Variants in ACMSD observed in about 807,000 individuals in gnomAD.
The protein encoded by ACMSD is aminocarboxymuconate semialdehyde decarboxylase, also known as 2-amino-3-carboxymuconate-6-semialdehyde decarboxylase.
ACMSD carries 37 observed loss-of-function variants against 45.9 expected under a neutral mutation model. That is an observed-to-expected ratio of 0.81 (90% confidence interval 0.62 to 1.06). The LOEUF is 1.06. Among genes scored for constraint, ACMSD ranks in the 50% least tolerant of loss-of-function variants. The pLI is 0.00. For missense variants in ACMSD, 434 were observed against 420.9 expected (o/e 1.03, Z -0.27); for synonymous variants, 138 against 148.8 (o/e 0.93, Z 0.53).
intron 8 of ACMSD, among the ~76,000 whole-genome samples, chr2:134,892,431 G>C (rs914758358): frequency 6.6e-6 from 1 of 151,664 alleles, no homozygotes; most frequent in Non-Finnish European, 1.5e-5. Context: ...AAGGGCCTGT[G>C]CTGAAGTCTT....
At position 134,863,509 on chromosome 2, in the gene ACMSD, C is replaced by T; in HGVS notation, c.364C>T (p.Pro122Ser). The T allele has an allele frequency of 6.2e-7, 1 of 1,614,218 alleles. No homozygotes were observed. The highest frequency in any genetic ancestry group is 1.1e-5 in the South Asian group (1 of 91,086). The change falls in exon 5 of 10, where the codon CCT becomes TCT. Residue 122 changes from proline (P) to serine (S), a missense_variant. By Grantham distance (74) the Pro-to-Ser change is moderately conservative. Coordinates refer to ENST00000356140, the MANE Select transcript of ACMSD (RefSeq NM_138326.3). ...VGLGTLPMQA[P>S]ELAVKEMERC... ...TCTGGGGACGTTGCCCATGCAGGCC[C>T]CTGAGCTGGCGGTCAAGGAGATGGA...
chr2:134,845,889 G>A (rs990553977), intron 2 of ACMSD, among the ~76,000 whole-genome samples: 3 of 152,178 alleles, frequency 2.0e-5, no homozygotes, highest in African/African-American at 7.2e-5. Context: ...TGTCCTCTCC[G>A]AGTTCAGAGG....
intron 8 of ACMSD, among the ~76,000 whole-genome samples, chr2:134,897,401 C>T (rs937060125): frequency 6.6e-6 from 1 of 152,024 alleles, no homozygotes; most frequent in African/African-American, 2.4e-5. Context: ...GAGATTATTC[C>T]ATTTCAGCAT....
chr2:134,863,146 T>C, intron 4 of ACMSD: 1 of 781,308 alleles, frequency 1.3e-6, no homozygotes, highest in Non-Finnish European at 1.6e-6. Flanking sequence ...ATTGTGTTCT[T>C]CCCTTCTGAT....
intron 2 of ACMSD, among the ~76,000 whole-genome samples, chr2:134,848,039 C>A (rs1687163637): frequency 6.6e-6 from 1 of 152,052 alleles, no homozygotes. Context: ...TTAGTAGAGA[C>A]AGGGTTTCTC....
chr2:134,858,614 T>C (rs115161174), intron 2 of ACMSD, among the ~76,000 whole-genome samples: 1,874 of 152,334 alleles, frequency 0.012, 30 homozygotes, highest in Middle Eastern at 0.058. Context: ...AAAGATAATG[T>C]TGTACAGCAT....
intron 4 of ACMSD, among the ~76,000 whole-genome samples, chr2:134,862,586 T>A (rs1034600217): frequency 6.6e-6 from 1 of 152,136 alleles, no homozygotes; most frequent in Non-Finnish European, 1.5e-5. Context: ...CTCACTCTCG[T>A]GATTTAAGGA....
chr2:134,869,608 T>A (rs936217101), intron 6 of ACMSD, among the ~76,000 whole-genome samples: 4 of 152,120 alleles, frequency 2.6e-5, no homozygotes, highest in African/African-American at 9.7e-5. Context: ...CCTTCTAGCA[T>A]GCCAGGCCCT....
intron 3 of ACMSD, among the ~76,000 whole-genome samples, chr2:134,860,282 T>C (rs1394559701): frequency 1.3e-5 from 2 of 152,046 alleles, no homozygotes; most frequent in Non-Finnish European, 2.9e-5. Flanking sequence ...CAAAATGAAA[T>C]TTCCAAGTCT....
intron 4 of ACMSD, among the ~76,000 whole-genome samples, chr2:134,862,240 A>T (rs183608960): frequency 1.3e-5 from 2 of 152,286 alleles, no homozygotes; most frequent in East Asian, 3.9e-4. Context: ...TGTGACTTGC[A>T]TTATAGTTTC....
intron 4 of ACMSD, among the ~76,000 whole-genome samples, chr2:134,862,360 C>T (rs917716935): frequency 3.3e-5 from 5 of 152,064 alleles, no homozygotes; most frequent in Non-Finnish European, 5.9e-5. Flanking sequence ...TCTTCTGAGA[C>T]GAGAATGATT....
rs141364586 is a variant in ACMSD, at chr2:134,876,578, A to G, written c.849+3937A>G. On this transcript the variant is annotated intron_variant, in intron 8 of 9. Transcript: ENST00000356140. ...TCTTCGGGGTCAATAACACAGCTGG[A>G]GCTGTCATCTCCTACGACAATGCCT... is the stretch of plus-strand genomic sequence containing the variant. 1.1e-3 allele frequency among the ~76,000 whole-genome samples: 171 copies of G among 152,266 alleles called. 5 individuals are homozygous for G. The Middle Eastern group carries it at 0.041, about 36-fold the overall frequency.
In ACMSD at chr2:134,852,046, C is replaced by A. The variant is rs144119259; in HGVS notation, c.102+6769C>A. 2.0e-5 allele frequency among the ~76,000 whole-genome samples: 3 copies of A among 152,144 alleles called. No homozygotes were observed. In the East Asian group the frequency reaches 5.8e-4, roughly 29 times the overall value. On this transcript the variant is annotated intron_variant, in intron 2 of 9. Transcript: ENST00000356140. ...GTATGGTGTTTAAAGCTGGATGAAT[C>A]GGGTTCCAAATAGAAAACAAACGGC... is the stretch of plus-strand genomic sequence containing the variant.
At chr2:134,894,137 T>G (rs1559070543) in intron 8 of ACMSD, among the ~76,000 whole-genome samples, 1 of 151,718 alleles carries the variant, frequency 6.6e-6, no homozygotes. Context: ...ATAAAAGAAA[T>G]AGATTATAGA....
rs192053987 is a variant in ACMSD at position 134,854,963 on chromosome 2, T to C, written c.103-4298T>C. 7.9e-5 allele frequency among the ~76,000 whole-genome samples: 12 copies of C among 152,344 alleles called. No individual in the cohort carries two copies. In the East Asian group the frequency reaches 2.1e-3, roughly 27 times the overall value. Reference sequence around the variant, plus strand: ...GCACTCTGCTATACTGGGTATTTTATAGTGATTAAGCTTTCCCAGCAAGGA... The same window carrying C: ...GCACTCTGCTATACTGGGTATTTTACAGTGATTAAGCTTTCCCAGCAAGGA... On this transcript the variant is annotated intron_variant, in intron 2 of 9. Transcript: ENST00000356140.
intron 8 of ACMSD, among the ~76,000 whole-genome samples, chr2:134,882,098 G>A (rs932127413): frequency 1.3e-5 from 2 of 152,060 alleles, no homozygotes; most frequent in Non-Finnish European, 2.9e-5. Context: ...AGCCTGAGAG[G>A]TACAGTGAGA....
chr2:134,849,806 G>T (rs971436828), intron 2 of ACMSD, among the ~76,000 whole-genome samples: 2 of 152,178 alleles, frequency 1.3e-5, no homozygotes, highest in African/African-American at 2.4e-5. Flanking sequence ...AACCTGCCAG[G>T]ATCTGCATGG....
rs138058373 is a variant in ACMSD at position 134,881,855 on chromosome 2, C to T, written c.849+9214C>T. Reference sequence around the variant, plus strand: ...ATACAAAAAAAAATTAGCTGGATTACGCCTGTAATCCCAGCACTTTGGGAG... The same window carrying T: ...ATACAAAAAAAAATTAGCTGGATTATGCCTGTAATCCCAGCACTTTGGGAG... On this transcript the variant is annotated intron_variant, in intron 8 of 9. Coordinates refer to ENST00000356140, the MANE Select transcript of ACMSD (RefSeq NM_138326.3). 1.8e-4 allele frequency among the ~76,000 whole-genome samples: 28 copies of T among 151,962 alleles called. No individual in the cohort carries two copies. In the East Asian group the frequency reaches 5.0e-3, roughly 27 times the overall value.
At chr2:134,880,314 T>C (rs1688966938) in intron 8 of ACMSD, among the ~76,000 whole-genome samples, 1 of 152,228 alleles carries the variant, frequency 6.6e-6, no homozygotes, top group Non-Finnish European at 1.5e-5. Context: ...ATGATACTAC[T>C]TGATATAGGT....
Sources: allele counts gnomAD v4.1 joint callset (sites outside exome capture counted in the v4.1 genomes callset), GRCh38; gene constraint gnomAD v4.1.1; transcripts MANE v1.5; gene names NCBI Gene and HGNC (gene_info 2026-07-23, HGNC 2026-07-21).